BMPR1B: variants seen among roughly 807,000 people sequenced by gnomAD.
BMPR1B encodes the protein bone morphogenetic protein receptor type-1B.
A neutral mutation model predicts 59.1 loss-of-function variants in BMPR1B; 12 were observed. That is an observed-to-expected ratio of 0.20 (90% CI 0.13 to 0.33). The LOEUF is 0.33. BMPR1B is among the 10% of genes least tolerant of loss of function. The pLI is 1.00. For synonymous variants in BMPR1B, 237 were observed against 207.3 expected, an observed-to-expected ratio of 1.14 and a Z score of -1.23; for missense variants, 550 against 610.9, an observed-to-expected ratio of 0.90 and a Z score of 1.05.
chr4:95,021,365 A>G (rs1018203093), intron 3 of BMPR1B, among the ~76,000 whole-genome samples: 2 of 152,230 alleles, frequency 1.3e-5, no homozygotes, highest in African/African-American at 2.4e-5. Context: ...TGGAGTAGCT[A>G]TAAGTTAGAG....
intron 3 of BMPR1B, chr4:95,051,891 TC>T: frequency 2.2e-6 from 2 of 919,334 alleles, no homozygotes; most frequent in South Asian, 1.9e-5. Flanking sequence ...TAAAGTTCCA[TC>T]CCCCATTCTC....
At chr4:94,840,687 ACTT>A (rs1362657421) in intron 1 of BMPR1B, among the ~76,000 whole-genome samples, 1 of 146,608 alleles carries the variant, frequency 6.8e-6, no homozygotes, top group African/African-American at 2.5e-5. Context: ...AAAGTTTTCA[ACTT>A]CTTTGTCTTT....
At chr4:94,930,556 A>G (rs946582038) in intron 2 of BMPR1B, among the ~76,000 whole-genome samples, 29 of 152,274 alleles carry the variant, frequency 1.9e-4, no homozygotes, top group Admixed American at 1.8e-3. Flanking sequence ...GATTTAGTAT[A>G]GGGCTAGTAG....
At chr4:94,797,333 G>A (rs1378973081) in intron 1 of BMPR1B, among the ~76,000 whole-genome samples, 1 of 152,150 alleles carries the variant, frequency 6.6e-6, no homozygotes, top group East Asian at 1.9e-4. Context: ...CCATATCAAT[G>A]TGTAAGAGAG....
intron 1 of BMPR1B, among the ~76,000 whole-genome samples, chr4:94,870,361 C>A (rs184438845): frequency 2.1e-3 from 297 of 141,024 alleles, no homozygotes; most frequent in African/African-American, 8.7e-3. Context: ...GATTGACTTC[C>A]CTTTCTCTCT....
intron 2 of BMPR1B, among the ~76,000 whole-genome samples, chr4:94,886,294 A>G (rs1727168181): frequency 6.6e-6 from 1 of 152,208 alleles, no homozygotes; most frequent in Admixed American, 6.5e-5. Context: ...TACAGTTTCT[A>G]ATTTATATCT....
chr4:94,858,059 C>T (rs6841103), intron 1 of BMPR1B, among the ~76,000 whole-genome samples: 92,056 of 151,806 alleles, frequency 0.61, 28,602 homozygotes, highest in African/African-American at 0.74. Context: ...CATTCTCCTG[C>T]CTCAGTCTCC....
intron 6 of BMPR1B, 149 bp from the exon 7 acceptor site, chr4:95,123,661 A>G (rs60968970): frequency 1.3e-5 from 8 of 638,156 alleles, no homozygotes; most frequent in Admixed American, 8.5e-5. Flanking sequence ...TTGAGTATAT[A>G]TGGGTTTTTA....
intron 2 of BMPR1B, among the ~76,000 whole-genome samples, chr4:94,960,231 C>G (rs1460741633): frequency 6.6e-6 from 1 of 152,130 alleles, no homozygotes; most frequent in African/African-American, 2.4e-5. Context: ...ATAACCAGTG[C>G]TCTGTGAAAC....
At chr4:95,121,268 A>G (rs1460523520) in intron 6 of BMPR1B, among the ~76,000 whole-genome samples, 2 of 152,364 alleles carry the variant, frequency 1.3e-5, no homozygotes, top group East Asian at 3.9e-4. Flanking sequence ...CACTGCTGAA[A>G]GAAATCAGAG....
intron 2 of BMPR1B, among the ~76,000 whole-genome samples, chr4:94,954,049 G>C (rs904787657): frequency 5.3e-5 from 8 of 151,592 alleles, no homozygotes; most frequent in African/African-American, 1.9e-4. Context: ...CCACTTGATC[G>C]ATTTGGCTAT....
intron 1 of BMPR1B, among the ~76,000 whole-genome samples, chr4:94,862,874 G>C (rs1275216973): frequency 1.3e-5 from 2 of 151,548 alleles, no homozygotes; most frequent in Non-Finnish European, 2.9e-5. Flanking sequence ...CAACCCGGGA[G>C]GTGGAGCTTG....
intron 1 of BMPR1B, among the ~76,000 whole-genome samples, chr4:94,802,404 T>A (rs1345364247): frequency 1.3e-5 from 2 of 152,130 alleles, no homozygotes; most frequent in Non-Finnish European, 2.9e-5. Flanking sequence ...TTTTTAGGGA[T>A]CTTTGTCATC....
At chr4:94,934,453 G>GTTCTT (rs781398503) in intron 2 of BMPR1B, among the ~76,000 whole-genome samples, 1 of 115,290 alleles carries the variant, frequency 8.7e-6, no homozygotes, top group African/African-American at 3.6e-5. Flanking sequence ...CCCAGCTATG[G>GTTCTT]TTTTTTTTTT....
At chr4:95,071,846 C>T (rs188723346) in intron 3 of BMPR1B, among the ~76,000 whole-genome samples, 1 of 151,346 alleles carries the variant, frequency 6.6e-6, no homozygotes, top group Non-Finnish European at 1.5e-5. Context: ...TTTAAAATGC[C>T]TGGTTATTTA....
chr4:94,857,324 T>C (rs1380291953), intron 1 of BMPR1B, among the ~76,000 whole-genome samples: 3 of 152,232 alleles, frequency 2.0e-5, no homozygotes, highest in African/African-American at 7.2e-5. Flanking sequence ...GAAAAGGTGC[T>C]ATGTGAAATA....
intron 1 of BMPR1B, among the ~76,000 whole-genome samples, chr4:94,806,139 T>C (rs906499225): frequency 6.6e-6 from 1 of 152,182 alleles, no homozygotes. Flanking sequence ...TCAAGACAGC[T>C]AGTCTCTTAT....
rs567575657 is a variant in BMPR1B, at chr4:94,988,368, A to G, written c.-112-7672A>G. ...TAACAAAAATAACTTGATATTCTGGATGCTTTTCATTCTTCATTATTACCT... is the reference window on the plus strand; with the variant it reads ...TAACAAAAATAACTTGATATTCTGGGTGCTTTTCATTCTTCATTATTACCT... On this transcript the variant is annotated intron_variant, in intron 2 of 12. Coordinates refer to ENST00000515059, the MANE Select transcript of BMPR1B (RefSeq NM_001203.3). 2.6e-5 allele frequency among the ~76,000 whole-genome samples: 4 copies of G among 152,198 alleles called. No homozygotes were observed. In the East Asian group the frequency reaches 7.7e-4, roughly 29 times the overall value.
chr4:95,034,052 C>G (rs568444566), intron 3 of BMPR1B, among the ~76,000 whole-genome samples: 48 of 152,154 alleles, frequency 3.2e-4, no homozygotes, highest in African/African-American at 1.1e-3. Flanking sequence ...TTAATTTACA[C>G]AGGAAATAAA....
Sources: gnomAD v4.1 joint callset for allele counts (sites outside exome capture counted in the v4.1 genomes callset) on GRCh38, gnomAD v4.1.1 for gene constraint, MANE v1.5 for transcripts, NCBI Gene and HGNC (gene_info 2026-07-23, HGNC 2026-07-21) for gene names.